PPRC1: variants seen among roughly 807,000 people sequenced by gnomAD.
PPRC1 encodes peroxisome proliferator-activated receptor gamma coactivator-related protein 1.
A neutral mutation model predicts 132.5 loss-of-function variants in PPRC1; 23 were observed. The observed-to-expected ratio is 0.17, with a 90% CI of 0.12 to 0.25. PPRC1 has a LOEUF of 0.25. PPRC1 is among the 10% of genes least tolerant of loss of function. The probability of loss-of-function intolerance (pLI) is 1.00; values close to 1 mark genes in which losing one functional copy is unlikely to be tolerated. For missense variants in PPRC1, 2,006 were observed against 2,089.1 expected (o/e 0.96, Z 0.78); for synonymous variants, 872 against 833.5 (o/e 1.05, Z -0.80).
the PPRC1 span, among the ~76,000 whole-genome samples, chr10:102,121,419 G>C: frequency 6.6e-6 from 1 of 152,086 alleles, no homozygotes; most frequent in Admixed American, 6.5e-5. Flanking sequence ...TGTGGGCCGT[G>C]GGGGGTTGGA....
intron 1 of PPRC1, among the ~76,000 whole-genome samples, chr10:102,136,451 T>A (rs1240061508): frequency 1.3e-5 from 2 of 152,126 alleles, no homozygotes; most frequent in African/African-American, 4.8e-5. Flanking sequence ...CCTTTTTACT[T>A]CATGTTTCCT....
chr10:102,133,725 C>T (rs766342700), intron 1 of PPRC1, among the ~76,000 whole-genome samples: 2 of 151,610 alleles, frequency 1.3e-5, no homozygotes, highest in South Asian at 2.1e-4. Flanking sequence ...ACGTGGCTCC[C>T]GTCCCAGGCT....
chr10:102,141,169 C>G lies in PPRC1; in HGVS notation c.2661C>G (p.Gly887=), dbSNP rs753069402. ...TGCCTTTCCCTGCAGGTGGGCTTGG[C>G]ATGCCCCCCAGTCTGCCCCCACCTC... is the stretch of plus-strand genomic sequence containing the variant. ...AALPFPAGGL[G]MPPSLPPPPL... is the part of the protein sequence containing the mutation. Residue 887 remains glycine, a synonymous_variant, in exon 5 of 14, where the codon GGC becomes GGG. Coordinates refer to ENST00000278070, the MANE Select transcript of PPRC1 (RefSeq NM_015062.5). The G allele has an allele frequency of 6.2e-7, 1 of 1,613,812 alleles. No homozygotes were observed. The highest frequency in any genetic ancestry group is 1.3e-5 in the African/African-American group (1 of 74,888).
At chr10:102,119,943 C>G in the PPRC1 span, 1 of 510,754 alleles carries the variant, frequency 2.0e-6, no homozygotes, top group African/African-American at 2.0e-5. Flanking sequence ...ACCCGCCAGC[C>G]TGAGGCCCCG....
intron 1 of PPRC1, among the ~76,000 whole-genome samples, chr10:102,133,584 G>T (rs1209152750): frequency 2.6e-5 from 4 of 152,070 alleles, no homozygotes; most frequent in African/African-American, 7.2e-5. Context: ...GGGGTTGGGG[G>T]AGCAATTTTC....
At chr10:102,143,812 C>T (rs916915527) in intron 6 of PPRC1, among the ~76,000 whole-genome samples, 5 of 152,076 alleles carry the variant, frequency 3.3e-5, no homozygotes, top group African/African-American at 7.2e-5. Flanking sequence ...TAGTATAAGG[C>T]GTGGATGTAG....
the PPRC1 span, among the ~76,000 whole-genome samples, chr10:102,126,344 G>C: frequency 6.7e-6 from 1 of 148,816 alleles, no homozygotes; most frequent in African/African-American, 2.5e-5. Context: ...TGACTCAAAA[G>C]AAAAAAAAAA....
intron 1 of PPRC1, among the ~76,000 whole-genome samples, chr10:102,137,542 C>T (rs1000304010): frequency 2.6e-5 from 4 of 152,074 alleles, no homozygotes; most frequent in African/African-American, 9.7e-5. Flanking sequence ...TCACTGCTGC[C>T]AGTAGATGAT....
chr10:102,133,636 C>G (rs1203435165), intron 1 of PPRC1, among the ~76,000 whole-genome samples: 2 of 151,926 alleles, frequency 1.3e-5, no homozygotes, highest in South Asian at 2.1e-4. Context: ...CTAGGCGGCC[C>G]GGGCATCCAC....
chr10:102,133,317 A>G (rs957353679), intron 1 of PPRC1, 96 bp downstream of exon 1: 14 of 1,105,064 alleles, frequency 1.3e-5, no homozygotes, highest in Admixed American at 4.2e-5. Context: ...AGCGCCTGAG[A>G]GTCGATGCCG....
intron 6 of PPRC1, 44 bp downstream of exon 6, chr10:102,143,142 A>T (rs1269654215): frequency 6.3e-7 from 1 of 1,578,468 alleles, no homozygotes; most frequent in South Asian, 1.1e-5. Context: ...TTTTTTGGTG[A>T]TACTTTTTTG....
chr10:102,147,125 C>G lies in PPRC1; in HGVS notation c.4133C>G (p.Pro1378Arg). ...CTTGCCCCATCCAGCTTGCTGTCCC[C>G]TGAGGCCTCACCCTGCCGGAATGAC... ...PCLAPSSLLS[P>R]EASPCRNDMN... Residue 1378 changes from proline to arginine, a missense_variant, in exon 9 of 14, where the codon CCT becomes CGT. By Grantham distance (103) the Pro-to-Arg change is moderately radical. Coordinates refer to ENST00000278070, the MANE Select transcript of PPRC1 (RefSeq NM_015062.5). 6.2e-7 allele frequency: 1 copy of G among 1,614,230 alleles called. No homozygotes were observed. Among genetic ancestry groups the G allele is most frequent in the Non-Finnish European group, 8.5e-7 (1 of 1,180,050 alleles).
chr10:102,139,298 C>T lies in PPRC1; in HGVS notation c.790C>T (p.Leu264Phe). The stretch of plus-strand genomic sequence containing the variant: ...CAGTGGCCAGATTCTTGCCGGGGAG[C>T]TTGACAACTGTGTGAGCAGTATCCC... ...SFSGQILAGE[L>F]DNCVSSIPDF... The change falls in exon 5 of 14, where the codon CTT becomes TTT. Residue 264 changes from leucine to phenylalanine, a missense_variant. Transcript: ENST00000278070. 6.2e-7 allele frequency: 1 copy of T among 1,614,186 alleles called. No individual in the cohort carries two copies. Among genetic ancestry groups the T allele is most frequent in the Non-Finnish European group, 8.5e-7 (1 of 1,180,020 alleles).
In PPRC1 at chr10:102,147,166, C is replaced by A. The variant is rs1248405122; in HGVS notation, c.4174C>A (p.Pro1392Thr). The change falls in exon 9 of 14, where the codon CCC becomes ACC. Residue 1392 changes from proline to threonine, a missense_variant. By Grantham distance (38) the Pro-to-Thr change is conservative. This residue lies in a region of PPRC1 where 1,914 missense variants were observed against 1,917.2 expected (regional missense o/e 1.00). Coordinates refer to ENST00000278070, the MANE Select transcript of PPRC1 (RefSeq NM_015062.5). ...PCRNDMNTRT[P>T]PEPSAKQRSM... Reference sequence around the variant, plus strand: ...CCGGAATGACATGAACACTAGGACTCCCCCTGAACCCTCAGCCAAGCAGCG... The same window carrying A: ...CCGGAATGACATGAACACTAGGACTACCCCTGAACCCTCAGCCAAGCAGCG... 1 of 1,614,040 alleles carries A rather than the reference C, an allele frequency of 6.2e-7. No homozygotes were observed. The highest frequency in any genetic ancestry group is 8.5e-7 in the Non-Finnish European group (1 of 1,180,046).
chr10:102,141,856 T>C lies in PPRC1; in HGVS notation c.3348T>C (p.Pro1116=). The change falls in exon 5 of 14, where the codon CCT becomes CCC. Residue 1116 remains proline, a synonymous_variant. Transcript: ENST00000278070. ...ETRPREKPPL[P]ATKAVPTPRQ... is the part of the protein sequence containing the mutation. Reference sequence around the variant, plus strand: ...GGCCCAGGGAGAAGCCCCCCTTGCCTGCTACCAAGGCTGTTCCCACACCAA... The same window carrying C: ...GGCCCAGGGAGAAGCCCCCCTTGCCCGCTACCAAGGCTGTTCCCACACCAA... 1.2e-6 allele frequency: 2 copies of C among 1,614,122 alleles called. No homozygotes were observed. The highest frequency in any genetic ancestry group is 1.7e-6 in the Non-Finnish European group (2 of 1,180,004).
In PPRC1 at chr10:102,146,885, A is replaced by G; in HGVS notation, c.3893A>G (p.Tyr1298Cys). 1.9e-6 allele frequency: 3 copies of G among 1,613,940 alleles called. No homozygotes were observed. The highest frequency in any genetic ancestry group is 2.5e-6 in the Non-Finnish European group (3 of 1,179,944). ...RVHVGSGDHD[Y>C]CVRSRTPPKK... ...CATGTGGGCTCTGGGGACCATGACT[A>G]TTGTGTCCGGAGCAGGACCCCCCCA... Residue 1298 changes from tyrosine to cysteine, a missense_variant, in exon 9 of 14, where the codon TAT becomes TGT. This residue lies in a region of PPRC1 where 1,914 missense variants were observed against 1,917.2 expected (regional missense o/e 1.00). Coordinates refer to ENST00000278070, the MANE Select transcript of PPRC1 (RefSeq NM_015062.5).
At chr10:102,121,721 G>C in the PPRC1 span, among the ~76,000 whole-genome samples, 1 of 152,150 alleles carries the variant, frequency 6.6e-6, no homozygotes, top group African/African-American at 2.4e-5. Context: ...TCCAGGGATA[G>C]ACGATGGAGA....
intron 5 of PPRC1, among the ~76,000 whole-genome samples, chr10:102,142,372 A>AT (rs2069026224): frequency 9.0e-6 from 1 of 110,742 alleles, no homozygotes; most frequent in Non-Finnish European, 1.7e-5. Flanking sequence ...AAGTGCTGGG[A>AT]TTATAGGCGT....
chr10:102,132,196 A>G (rs1195892967), upstream of PPRC1, among the ~76,000 whole-genome samples: 1 of 152,236 alleles, frequency 6.6e-6, no homozygotes, highest in Non-Finnish European at 1.5e-5. Context: ...CAGGCCTACT[A>G]CTTTTTTTCC....
Sources: allele counts gnomAD v4.1 joint callset (sites outside exome capture counted in the v4.1 genomes callset), GRCh38; gene constraint gnomAD v4.1.1; regional missense constraint gnomAD v4.1.1; transcripts MANE v1.5; gene names NCBI Gene and HGNC (gene_info 2026-07-23, HGNC 2026-07-21).